HNRNPM: variants seen among roughly 807,000 people sequenced by gnomAD.
The protein encoded by HNRNPM is CEA receptor.
HNRNPM carries 11 observed loss-of-function variants against 73.1 expected under a neutral mutation model. That is an observed-to-expected ratio of 0.15 (90% CI 0.09 to 0.25). HNRNPM has a LOEUF of 0.25. HNRNPM is among the 10% of genes least tolerant of loss of function. The pLI, the probability that HNRNPM is intolerant of heterozygous loss-of-function variation, is 1.00. For missense variants in HNRNPM, 789 were observed against 1,067.9 expected, an observed-to-expected ratio of 0.74 and a Z score of 3.64; for synonymous variants, 407 against 355.2, an observed-to-expected ratio of 1.15 and a Z score of -1.64.
At position 8,486,966 on chromosome 19, in the gene HNRNPM, G is replaced by A. The variant is rs1191294529; in HGVS notation, c.1978-58G>A. On this transcript the variant is annotated intron_variant, in intron 14 of 15. Transcript: ENST00000325495. ...CATGGCCCTCAGAGCCAGCTGCAAG[G>A]CATGCCTTAGGATTTGGTTTAATCA... The A allele has an allele frequency of 3.7e-6, 5 of 1,353,450 alleles. No homozygotes were observed. The Admixed American group carries it at 8.4e-5, about 23-fold the overall frequency. The allele number at this position is 1,353,450 out of a possible 1,614,324, so 83.8% of individuals were successfully genotyped here. A position where few individuals can be genotyped will look rare whatever the true frequency, so the allele number is the denominator to read the frequency against.
chr19:8,447,990 C>G (rs1215044524), intron 1 of HNRNPM, among the ~76,000 whole-genome samples: 3 of 152,118 alleles, frequency 2.0e-5, no homozygotes, highest in Non-Finnish European at 4.4e-5. Context: ...TGGGCCACTG[C>G]ACTCCAGCCT....
At chr19:8,474,612 T>G (rs1035229911) in intron 12 of HNRNPM, among the ~76,000 whole-genome samples, 1 of 152,212 alleles carries the variant, frequency 6.6e-6, no homozygotes, top group Non-Finnish European at 1.5e-5. Flanking sequence ...CTGCCCCAGC[T>G]ACAAGTTGTC....
At chr19:8,459,166 A>G (rs1969224727) in intron 2 of HNRNPM, among the ~76,000 whole-genome samples, 1 of 152,176 alleles carries the variant, frequency 6.6e-6, no homozygotes, top group African/African-American at 2.4e-5. Flanking sequence ...ACCTCAGGTA[A>G]TCTGCCTGCC....
intron 12 of HNRNPM, among the ~76,000 whole-genome samples, chr19:8,477,338 G>A (rs911130551): frequency 2.6e-5 from 4 of 152,106 alleles, no homozygotes; most frequent in African/African-American, 7.2e-5. Context: ...GGCCTTTCCC[G>A]GCAGAAGCTA....
chr19:8,466,507 G>A, intron 7 of HNRNPM, 119 bp downstream of exon 7: 1 of 1,010,872 alleles, frequency 9.9e-7, no homozygotes, highest in Non-Finnish European at 1.5e-6. Context: ...GTGACTAGGG[G>A]GAGTGCATTA....
rs1969486643 is a variant in HNRNPM, at chr19:8,462,795, G to A, written c.336+214G>A. 1.3e-5 allele frequency among the ~76,000 whole-genome samples: 2 copies of A among 152,182 alleles called. No homozygotes were observed. On this transcript the variant is annotated intron_variant, in intron 3 of 15. Transcript: ENST00000325495. The surrounding 1 kb of genome is among the most constrained non-coding windows in gnomAD (Gnocchi z 4.5). ...TGGCCAAAGAGCTTTTTGGTATTCT[G>A]TTTGGATGCCCAATTTGGATAACTG...
intron 2 of HNRNPM, 82 bp downstream of exon 2, chr19:8,455,656 A>T: frequency 8.7e-7 from 1 of 1,150,024 alleles, no homozygotes; most frequent in African/African-American, 1.6e-5. Context: ...ATTTTTGGTC[A>T]GTGGAAGCGG....
chr19:8,467,640 T>G, intron 8 of HNRNPM, 56 bp downstream of exon 8: 1 of 1,232,730 alleles, frequency 8.1e-7, no homozygotes, highest in Non-Finnish European at 1.2e-6. Context: ...AAACATGGAA[T>G]TAATAAGAGT....
chr19:8,448,886 G>A (rs955601362), intron 1 of HNRNPM, among the ~76,000 whole-genome samples: 3 of 152,174 alleles, frequency 2.0e-5, no homozygotes, highest in South Asian at 2.1e-4. Flanking sequence ...TACTGTTAGA[G>A]TTGACTCCAT....
At chr19:8,458,235 G>A (rs985089926) in intron 2 of HNRNPM, among the ~76,000 whole-genome samples, 1 of 152,032 alleles carries the variant, frequency 6.6e-6, no homozygotes, top group Non-Finnish European at 1.5e-5. Flanking sequence ...TTAGCATTTA[G>A]CAGCATTCTA....
chr19:8,487,153 C>A, intron 15 of HNRNPM, 78 bp downstream of exon 15: 1 of 1,199,270 alleles, frequency 8.3e-7, no homozygotes, highest in South Asian at 1.2e-5. Context: ...CAAAACCTCC[C>A]TCCCAGCCCC....
intron 13 of HNRNPM, 40 bp downstream of exon 13, chr19:8,483,251 A>C: frequency 2.0e-6 from 3 of 1,509,298 alleles, no homozygotes; most frequent in Non-Finnish European, 2.8e-6. Flanking sequence ...TTTTTAGAAC[A>C]GGCTGTTATC....
chr19:8,488,541 T>TA (rs1971482289), intron 15 of HNRNPM, 150 bp from the exon 16 acceptor site: 8 of 591,838 alleles, frequency 1.4e-5, no homozygotes, highest in Non-Finnish European at 2.3e-5. Context: ...AGAATGGCAG[T>TA]GTGGCTGAGG....
rs748264854 is a variant in HNRNPM at position 8,485,492 on chromosome 19, T to C, written c.1175-111T>C. 454 of 1,065,490 alleles carry C rather than the reference T, an allele frequency of 4.3e-4. 1 individual carries two copies. Among genetic ancestry groups the C allele is most frequent in the Non-Finnish European group, 5.7e-4 (415 of 730,734 alleles). 66.0% of individuals were successfully genotyped at this position (1,065,490 alleles called of 1,614,324 possible). A position where few individuals can be genotyped will look rare whatever the true frequency, so the allele number is the denominator to read the frequency against. ...TGAGGGGTGTCTTAATGGTAAATTA[T>C]GGTGGGCCTTTACCCCTGATCCATG... On this transcript the variant is annotated intron_variant, in intron 13 of 15. Transcript: ENST00000325495.
chr19:8,467,296 G>A (rs888087329), intron 7 of HNRNPM, among the ~76,000 whole-genome samples: 1 of 152,200 alleles, frequency 6.6e-6, no homozygotes, highest in South Asian at 2.1e-4. Context: ...TGGTGAAATT[G>A]TAAGGTTACG....
intron 1 of HNRNPM, among the ~76,000 whole-genome samples, chr19:8,454,410 C>T (rs1968845634): frequency 6.6e-6 from 1 of 151,882 alleles, no homozygotes; most frequent in Non-Finnish European, 1.5e-5. Context: ...TCAGGATTTC[C>T]TTCCTTTTTG....
At chr19:8,486,892 C>G (rs1197959611) in intron 14 of HNRNPM, 132 bp from the exon 15 acceptor site, 5 of 766,254 alleles carry the variant, frequency 6.5e-6, no homozygotes, top group Non-Finnish European at 1.2e-5. Context: ...TCCTGCTGAT[C>G]GCCTCAGTCT....
intron 12 of HNRNPM, among the ~76,000 whole-genome samples, chr19:8,480,189 A>C (rs1970810478): frequency 6.8e-6 from 1 of 147,886 alleles, no homozygotes; most frequent in South Asian, 2.3e-4. Flanking sequence ...CAGCCTGGCC[A>C]ATGTGGTGAA....
chr19:8,479,756 A>T (rs1227781666), intron 12 of HNRNPM, among the ~76,000 whole-genome samples: 40 of 75,868 alleles, frequency 5.3e-4, no homozygotes, highest in East Asian at 4.7e-4. Context: ...CGGTGTATTT[A>T]AAAAAAAAAA....
Sources: allele counts gnomAD v4.1 joint callset (sites outside exome capture counted in the v4.1 genomes callset), GRCh38; gene constraint gnomAD v4.1.1; non-coding constraint Gnocchi (gnomAD v3.1); transcripts MANE v1.5; gene names NCBI Gene and HGNC (gene_info 2026-07-23, HGNC 2026-07-21).